Variants in GPC5 observed in about 807,000 individuals in gnomAD.
GPC5 encodes glypican 5, also known as glypican-5.
Under a neutral mutation model 53.9 loss-of-function variants are expected in GPC5, and 47 were observed. That is an observed-to-expected ratio of 0.87 (90% CI 0.69 to 1.11). The LOEUF is 1.11. Ranked by LOEUF, GPC5 falls within the 50% of genes most tolerant of loss-of-function variation. The pLI, the probability that GPC5 is intolerant of heterozygous loss-of-function variation, is 0.00. For synonymous variants in GPC5, 286 were observed against 263.3 expected, an observed-to-expected ratio of 1.09 and a Z score of -0.84; for missense variants, 748 against 713.1, an observed-to-expected ratio of 1.05 and a Z score of -0.56.
Position 91,538,436 on chromosome 13 carries a change from C to T in GPC5, c.325+89514C>T, listed in dbSNP as rs9589283. 8.5e-3 allele frequency among the ~76,000 whole-genome samples: 1,290 copies of T among 152,116 alleles called. 16 individuals are homozygous for T. Among genetic ancestry groups the T allele is most frequent in the African/African-American group, 0.03 (1,249 of 41,490 alleles). On this transcript the variant is annotated intron_variant, in intron 2 of 7. Coordinates refer to ENST00000377067, the MANE Select transcript of GPC5 (RefSeq NM_004466.6). Reference sequence around the variant, plus strand: ...AAAACATCAAAATATCGTAAAACTGCGTACTATTTTTATGATATAATGGGG... The same window carrying T: ...AAAACATCAAAATATCGTAAAACTGTGTACTATTTTTATGATATAATGGGG...
chr13:91,578,338 C>T (rs1173676327), intron 2 of GPC5, among the ~76,000 whole-genome samples: 1 of 152,212 alleles, frequency 6.6e-6, no homozygotes, highest in Non-Finnish European at 1.5e-5. Flanking sequence ...AATATATATT[C>T]ATTGCTTTAA....
chr13:92,082,346 G>GT (rs552323028), intron 6 of GPC5, among the ~76,000 whole-genome samples: 67 of 152,266 alleles, frequency 4.4e-4, no homozygotes, highest in African/African-American at 1.6e-3. Flanking sequence ...AAGAAATTCT[G>GT]TTGGGGACTA....
rs75539901 is a variant in GPC5 at position 92,039,182 on chromosome 13, T to C, written c.1402-105648T>C. On this transcript the variant is annotated intron_variant, in intron 6 of 7. Transcript: ENST00000377067. The stretch of plus-strand genomic sequence containing the variant: ...TGGCTCTGGTCATTCTGTCTGAAGA[T>C]TGTTGCCAAAATTCGGAGTAAGAAT... Among the ~76,000 whole-genome samples, 858 of 152,294 alleles carry C rather than the reference T, an allele frequency of 5.6e-3. 13 individuals are homozygous for C. The highest frequency in any genetic ancestry group is 0.02 in the African/African-American group (820 of 41,552).
At chr13:92,665,074 A>T (rs1485366857) in intron 7 of GPC5, among the ~76,000 whole-genome samples, 1 of 152,210 alleles carries the variant, frequency 6.6e-6, no homozygotes, top group Non-Finnish European at 1.5e-5. Context: ...ATGAAAATAT[A>T]GATACACGGA....
In GPC5 at chr13:92,075,776, A is replaced by G. The variant is rs564819632; in HGVS notation, c.1402-69054A>G. ...TTTATTTAGCTAAGTGATTTGTTGC[A>G]TTTTAAAATCAGTAGATAATATATG... On this transcript the variant is annotated intron_variant, in intron 6 of 7. Transcript: ENST00000377067. Among the ~76,000 whole-genome samples, 14 of 152,270 alleles carry G rather than the reference A, an allele frequency of 9.2e-5. 1 individual carries two copies. In the South Asian group the frequency reaches 2.7e-3, roughly 29 times the overall value.
intron 6 of GPC5, among the ~76,000 whole-genome samples, chr13:91,912,798 T>A (rs1474672180): frequency 6.6e-6 from 1 of 151,928 alleles, no homozygotes; most frequent in Non-Finnish European, 1.5e-5. Flanking sequence ...TTTTGGCATC[T>A]TTTTTTTCCT....
At chr13:91,997,173 C>T (rs1211766045) in intron 6 of GPC5, among the ~76,000 whole-genome samples, 1 of 152,082 alleles carries the variant, frequency 6.6e-6, no homozygotes, top group African/African-American at 2.4e-5. Context: ...ACAGAACCAC[C>T]TGTATATATG....
At chr13:92,039,459 C>A (rs2040924668) in intron 6 of GPC5, among the ~76,000 whole-genome samples, 1 of 152,132 alleles carries the variant, frequency 6.6e-6, no homozygotes. Flanking sequence ...ATTAGAAACT[C>A]CAACACTCAT....
chr13:92,712,733 G>C (rs1047479555), intron 7 of GPC5, among the ~76,000 whole-genome samples: 1 of 152,152 alleles, frequency 6.6e-6, no homozygotes, highest in East Asian at 1.9e-4. Context: ...CTAACCCAGA[G>C]TACCTTAGAG....
chr13:92,176,147 CACA>C (rs1175354695), intron 7 of GPC5, among the ~76,000 whole-genome samples: 1 of 152,118 alleles, frequency 6.6e-6, no homozygotes, highest in Non-Finnish European at 1.5e-5. Context: ...AATTACTGTC[CACA>C]ACCCCAGAAT....
At chr13:92,381,889 TTATA>T (rs1377582030) in intron 7 of GPC5, among the ~76,000 whole-genome samples, 1 of 122,178 alleles carries the variant, frequency 8.2e-6, no homozygotes, top group African/African-American at 3.1e-5. Context: ...ATTATATATA[TTATA>T]TATAATCATA....
chr13:92,274,854 C>T (rs946437165), intron 7 of GPC5, among the ~76,000 whole-genome samples: 1 of 152,016 alleles, frequency 6.6e-6, no homozygotes, highest in Admixed American at 6.6e-5. Flanking sequence ...GGTCCATTCA[C>T]ACTCAAGAGG....
intron 7 of GPC5, among the ~76,000 whole-genome samples, chr13:92,769,720 A>C (rs1245304095): frequency 1.3e-5 from 2 of 152,190 alleles, no homozygotes; most frequent in African/African-American, 4.8e-5. Context: ...TATTTACATT[A>C]TTTTATAGAT....
Position 91,555,330 on chromosome 13 carries a change from G to A in GPC5, c.325+106408G>A, listed in dbSNP as rs111790746. 7.2e-3 allele frequency among the ~76,000 whole-genome samples: 1,092 copies of A among 152,142 alleles called. 12 individuals carry two copies. Among genetic ancestry groups the A allele is most frequent in the African/African-American group, 0.024 (985 of 41,530 alleles). On this transcript the variant is annotated intron_variant, in intron 2 of 7. Transcript: ENST00000377067. ...ACAGCAAAGTCAAGAACCAATGCCT[G>A]TAGTATAAATTACTCCTCAAAAAGA...
chr13:92,515,661 CAATG>C (rs1330348822), intron 7 of GPC5, among the ~76,000 whole-genome samples: 1 of 152,064 alleles, frequency 6.6e-6, no homozygotes, highest in African/African-American at 2.4e-5. Flanking sequence ...TGAATTGAAT[CAATG>C]AACCCAATCA....
chr13:91,750,317 T>G (rs2037143680), intron 4 of GPC5, among the ~76,000 whole-genome samples: 1 of 152,202 alleles, frequency 6.6e-6, no homozygotes, highest in African/African-American at 2.4e-5. Context: ...TAATTATATT[T>G]CATTTCTGTG....
At chr13:92,270,610 T>G (rs2042833477) in intron 7 of GPC5, among the ~76,000 whole-genome samples, 1 of 152,214 alleles carries the variant, frequency 6.6e-6, no homozygotes, top group Middle Eastern at 3.2e-3. Flanking sequence ...AACAGAGTAA[T>G]ACATATATCT....
chr13:92,473,985 CA>C (rs1456886573), intron 7 of GPC5, among the ~76,000 whole-genome samples: 1 of 152,082 alleles, frequency 6.6e-6, no homozygotes, highest in Non-Finnish European at 1.5e-5. Context: ...AGATCATTGA[CA>C]AAAGGCAGAG....
At chr13:91,880,813 G>T (rs1594637329) in intron 5 of GPC5, among the ~76,000 whole-genome samples, 1 of 151,316 alleles carries the variant, frequency 6.6e-6, no homozygotes. Context: ...GTTTGTTTGT[G>T]ATGGAGTTTT....
Sources: gnomAD v4.1 joint callset for allele counts (sites outside exome capture counted in the v4.1 genomes callset) on GRCh38, gnomAD v4.1.1 for gene constraint, MANE v1.5 for transcripts, NCBI Gene and HGNC (gene_info 2026-07-23, HGNC 2026-07-21) for gene names.